The following FRY variants were observed in gnomAD, a reference collection of about 807,000 sequenced individuals.
FRY encodes the protein FRY microtubule binding protein, also known as protein furry homolog.
A neutral mutation model predicts 348.4 loss-of-function variants in FRY; 128 were observed. The ratio of observed to expected loss-of-function variants is 0.37; its 90% confidence interval spans 0.32 to 0.43. FRY has a LOEUF of 0.43. FRY is among the 20% of genes least tolerant of loss of function. The pLI, the probability that FRY is intolerant of heterozygous loss-of-function variation, is 1.00. For missense variants in FRY, 2,736 were observed against 3,695.2 expected (o/e 0.74, Z 6.73); for synonymous variants, 1,370 against 1,374.7 (o/e 1.00, Z 0.08).
chr13:32,230,157 T>C (rs1885828492), intron 40 of FRY, among the ~76,000 whole-genome samples: 1 of 152,216 alleles, frequency 6.6e-6, no homozygotes, highest in Non-Finnish European at 1.5e-5. Flanking sequence ...GTACAGGCTA[T>C]TTCACCAGCC....
chr13:32,250,785 C>T (rs75707430), intron 49 of FRY, among the ~76,000 whole-genome samples: 3,353 of 152,200 alleles, frequency 0.022, 128 homozygotes, highest in African/African-American at 0.077. Flanking sequence ...AGCATAGTGC[C>T]GGCTGCAACA....
chr13:32,037,134 C>G (rs1872556130), intron 1 of FRY, among the ~76,000 whole-genome samples: 1 of 152,016 alleles, frequency 6.6e-6, no homozygotes, highest in African/African-American at 2.4e-5. Flanking sequence ...GTTCACAAGT[C>G]TTTTCCGTCT....
intron 30 of FRY, 39 bp from the exon 31 acceptor site, chr13:32,202,317 C>A: frequency 6.7e-7 from 1 of 1,498,834 alleles, no homozygotes; most frequent in Non-Finnish European, 9.3e-7. Flanking sequence ...CCAGCTAATG[C>A]TTTTCATACT....
chr13:32,264,475 T>C (rs1170625148), intron 53 of FRY, among the ~76,000 whole-genome samples: 1 of 152,182 alleles, frequency 6.6e-6, no homozygotes, highest in Non-Finnish European at 1.5e-5. Flanking sequence ...TACACTTCTA[T>C]TTTGCCTTGC....
At chr13:32,085,950 G>C (rs1349798001) in intron 2 of FRY, 1 of 518,986 alleles carries the variant, frequency 1.9e-6, no homozygotes, top group East Asian at 5.5e-5. Context: ...GTACTTAAGA[G>C]AAGACAACAC....
chr13:32,180,141 C>T (rs2520688), intron 23 of FRY, among the ~76,000 whole-genome samples: 56,234 of 152,126 alleles, frequency 0.37, 10,691 homozygotes, highest in Admixed American at 0.41. Flanking sequence ...ACAGTCTGCT[C>T]ATCAGCCATT....
intron 35 of FRY, among the ~76,000 whole-genome samples, chr13:32,215,248 A>C (rs2138375921): frequency 6.6e-6 from 1 of 152,360 alleles, no homozygotes; most frequent in South Asian, 2.1e-4. Context: ...AATCTATGAA[A>C]CATTTCAAAA....
intron 28 of FRY, among the ~76,000 whole-genome samples, chr13:32,188,305 G>A (rs1566119608): frequency 6.6e-6 from 1 of 152,054 alleles, no homozygotes; most frequent in Non-Finnish European, 1.5e-5. Context: ...CCATGTCAAT[G>A]CCACGTTCTC....
intron 2 of FRY, among the ~76,000 whole-genome samples, chr13:32,100,899 A>C (rs928685382): frequency 6.6e-6 from 1 of 152,150 alleles, no homozygotes; most frequent in Non-Finnish European, 1.5e-5. Context: ...CCCACTCAGG[A>C]GGGTTCTGCC....
intron 1 of FRY, among the ~76,000 whole-genome samples, chr13:32,049,287 T>G (rs1873193312): frequency 6.6e-6 from 1 of 151,534 alleles, no homozygotes; most frequent in Non-Finnish European, 1.5e-5. Flanking sequence ...GTTGGGGAGG[T>G]GCCTGAGGGA....
At chr13:32,203,682 C>T (rs961807259) in intron 31 of FRY, among the ~76,000 whole-genome samples, 3 of 151,808 alleles carry the variant, frequency 2.0e-5, no homozygotes, top group African/African-American at 7.3e-5. Flanking sequence ...GAGATCATGC[C>T]ATTCCACTCC....
chr13:32,262,447 A>G lies in FRY; in HGVS notation c.7751A>G (p.Asn2584Ser). ...TTTGATGCTTCCTTGCCTGATATGA[A>G]TAATCTGCAGATTTCTGAGGGTTCA... ...SSFDASLPDM[N>S]NLQISEGSKA... Residue 2584 changes from asparagine to serine, a missense_variant, in exon 53 of 61, where the codon AAT becomes AGT. Asn to Ser is a conservative substitution (Grantham distance 46). Around this residue, in one of 9 missense-constraint regions of FRY, gnomAD observed 789 missense variants for 996.2 expected, o/e 0.79. Transcript: ENST00000542859. 4 of 1,613,788 alleles carry G rather than the reference A, an allele frequency of 2.5e-6. No individual in the cohort carries two copies. In the African/African-American group the frequency reaches 4.0e-5, roughly 16 times the overall value.
At chr13:32,126,259 A>T (rs568240197) in intron 7 of FRY, among the ~76,000 whole-genome samples, 290 of 95,334 alleles carry the variant, frequency 3.0e-3, no homozygotes, top group Non-Finnish European at 5.3e-3. Flanking sequence ...GTCATTTGGA[A>T]ACTTCAGTAT....
chr13:32,113,183 C>T (rs946481323), intron 3 of FRY, among the ~76,000 whole-genome samples: 12 of 152,160 alleles, frequency 7.9e-5, no homozygotes, highest in African/African-American at 2.7e-4. Context: ...TATGGTATTA[C>T]ACAGTGAGTA....
chr13:32,098,690 C>T (rs1456590941), intron 2 of FRY, among the ~76,000 whole-genome samples: 2 of 151,980 alleles, frequency 1.3e-5, no homozygotes, highest in African/African-American at 4.8e-5. Flanking sequence ...CTCTCAGACT[C>T]GACTCTTCTC....
intron 53 of FRY, 61 bp from the exon 54 acceptor site, chr13:32,265,389 C>A: frequency 6.7e-7 from 1 of 1,498,610 alleles, no homozygotes; most frequent in Non-Finnish European, 9.3e-7. Context: ...CTTAGTTGAA[C>A]AGGTTGTCCT....
At chr13:32,160,693 A>AG (rs1881387838) in intron 16 of FRY, among the ~76,000 whole-genome samples, 1 of 151,596 alleles carries the variant, frequency 6.6e-6, no homozygotes, top group Non-Finnish European at 1.5e-5. Context: ...AACAGGACAA[A>AG]GAGCTCTAGG....
intron 1 of FRY, among the ~76,000 whole-genome samples, chr13:32,040,500 T>A (rs1872706415): frequency 6.6e-6 from 1 of 152,238 alleles, no homozygotes; most frequent in Non-Finnish European, 1.5e-5. Context: ...TGAAGGAGAC[T>A]GAGTTGTACA....
rs2138435588 is a variant in FRY, at chr13:32,231,878, C to T, written c.5527+578C>T. On this transcript the variant is annotated intron_variant, in intron 41 of 60. Coordinates refer to ENST00000542859, the MANE Select transcript of FRY (RefSeq NM_023037.3). ...GTGAAACTTAAATCCGGTTTCTCAA[C>T]ATGTTGTAAAACCATCTCTACCTTT... 2.6e-5 allele frequency among the ~76,000 whole-genome samples: 4 copies of T among 152,354 alleles called. No homozygotes were observed. In the South Asian group the frequency reaches 8.3e-4, roughly 32 times the overall value.
Sources: allele counts gnomAD v4.1 joint callset (sites outside exome capture counted in the v4.1 genomes callset), GRCh38; gene constraint gnomAD v4.1.1; regional missense constraint gnomAD v4.1.1; transcripts MANE v1.5; gene names NCBI Gene and HGNC (gene_info 2026-07-23, HGNC 2026-07-21).